Variants in CACNB1 observed in about 807,000 individuals in gnomAD.
CACNB1 encodes calcium voltage-gated channel auxiliary subunit beta 1, also known as voltage-dependent L-type calcium channel subunit beta-1.
A neutral mutation model predicts 71.6 loss-of-function variants in CACNB1; 29 were observed. That is an observed-to-expected ratio of 0.40 (90% CI 0.30 to 0.55). CACNB1 has a LOEUF of 0.55. Ranked by LOEUF, CACNB1 falls within the 20% of genes least tolerant of loss-of-function variation. The pLI is 0.38. For synonymous variants in CACNB1, 300 were observed against 319.6 expected, an observed-to-expected ratio of 0.94 and a Z score of 0.65; for missense variants, 623 against 801.8, an observed-to-expected ratio of 0.78 and a Z score of 2.69.
intron 11 of CACNB1, among the ~76,000 whole-genome samples, chr17:39,180,770 G>T (rs1226180406): frequency 1.1e-4 from 16 of 152,030 alleles, no homozygotes; most frequent in Admixed American, 1.1e-3. Flanking sequence ...TAGAGACAGG[G>T]TCTTGCCATG....
intron 1 of CACNB1, among the ~76,000 whole-genome samples, chr17:39,196,580 C>G (rs2046204195): frequency 6.6e-6 from 1 of 152,134 alleles, no homozygotes; most frequent in African/African-American, 2.4e-5. Flanking sequence ...AAAGAAATCC[C>G]CTGGCGCGAC....
chr17:39,197,231 G>A (rs553150332), intron 1 of CACNB1, among the ~76,000 whole-genome samples, 181 bp downstream of exon 1: 1 of 142,218 alleles, frequency 7.0e-6, no homozygotes, highest in Non-Finnish European at 1.5e-5. Flanking sequence ...CCGCAGCATC[G>A]CCACCCAGCC....
In CACNB1 at chr17:39,191,552, A is replaced by G. The variant is rs2046081168; in HGVS notation, c.213T>C (p.Asp71=). 3 of 1,611,570 alleles carry G rather than the reference A, an allele frequency of 1.9e-6. No individual in the cohort carries two copies. The highest frequency in any genetic ancestry group is 2.5e-6 in the Non-Finnish European group (3 of 1,179,204). ...ESYTSRPSDS[D]VSLEEDREAL... Reference sequence around the variant, plus strand: ...CTTCCCGGTCCTCCTCCAGAGATACATCAGAGTCTGATGGACGGCTGGTGT... The same window carrying G: ...CTTCCCGGTCCTCCTCCAGAGATACGTCAGAGTCTGATGGACGGCTGGTGT... The change falls in exon 3 of 14, where the codon GAT becomes GAC. Residue 71 remains aspartate (D), a synonymous_variant. Coordinates refer to ENST00000394303, the MANE Select transcript of CACNB1 (RefSeq NM_000723.5).
chr17:39,185,868 T>G, intron 6 of CACNB1: 1 of 1,469,496 alleles, frequency 6.8e-7, no homozygotes. Flanking sequence ...GTACCACATC[T>G]GAATCCATTA....
chr17:39,177,060 G>T, intron 13 of CACNB1: 1 of 1,338,152 alleles, frequency 7.5e-7, no homozygotes, highest in Non-Finnish European at 9.7e-7. Flanking sequence ...GGCAGCAGAT[G>T]CGCTCCTATG....
intron 6 of CACNB1, among the ~76,000 whole-genome samples, chr17:39,185,786 T>C (rs928654358): frequency 2.0e-5 from 3 of 151,998 alleles, no homozygotes; most frequent in Admixed American, 6.6e-5. Context: ...GAGTTGTGTG[T>C]GGAGGGGGAT....
intron 11 of CACNB1, among the ~76,000 whole-genome samples, chr17:39,183,233 G>A (rs377542687): frequency 8.5e-5 from 13 of 152,248 alleles, no homozygotes; most frequent in East Asian, 1.9e-4. Context: ...GTGGGAGGCC[G>A]AGGTGGGTGG....
At chr17:39,178,390 T>C (rs534438297) in intron 11 of CACNB1, 6 of 216,234 alleles carry the variant, frequency 2.8e-5, no homozygotes, top group Non-Finnish European at 5.6e-5. Flanking sequence ...TTTTTGTTTT[T>C]TTTTTTTTAA....
chr17:39,187,320 C>T (rs768175981), intron 4 of CACNB1, 159 bp downstream of exon 4: 137 of 822,456 alleles, frequency 1.7e-4, no homozygotes, highest in Non-Finnish European at 2.3e-4. Flanking sequence ...CTCATTTTTC[C>T]AGTAGAAAAT....
At chr17:39,178,446 T>C (rs1009123935) in intron 11 of CACNB1, among the ~76,000 whole-genome samples, 14 of 151,400 alleles carry the variant, frequency 9.2e-5, no homozygotes, top group African/African-American at 2.9e-4. Context: ...TGAAGTGCAG[T>C]GGTGTGAACA....
At chr17:39,187,001 T>C (rs961562678) in intron 4 of CACNB1, 72 bp from the exon 5 acceptor site, 25 of 1,540,860 alleles carry the variant, frequency 1.6e-5, no homozygotes, top group African/African-American at 2.7e-5. Flanking sequence ...AGTCACTCTC[T>C]AGGGGAAACG....
At chr17:39,193,693 G>T (rs1187973395) in intron 2 of CACNB1, 1 of 225,692 alleles carries the variant, frequency 4.4e-6, no homozygotes, top group African/African-American at 2.4e-5. Context: ...ATTGGAGGCT[G>T]GGGTCTGACT....
chr17:39,178,391 T>G lies in CACNB1; in HGVS notation c.1051-312A>C, dbSNP rs111927341. 8.7e-3 allele frequency: 1,872 copies of G among 215,732 alleles called. 41 individuals carry two copies. Among genetic ancestry groups the G allele is most frequent in the African/African-American group, 0.041 (1,747 of 42,530 alleles). The allele number at this position is 215,732 out of a possible 1,614,324, so 13.4% of individuals were successfully genotyped here. On this transcript the variant is annotated intron_variant, in intron 11 of 13. Transcript: ENST00000394303. The stretch of plus-strand genomic sequence containing the variant: ...CCCACTCTCCTTTTTTTTTGTTTTT[T>G]TTTTTTTAAATTTTAGAGACTGGTT...
intron 2 of CACNB1, 186 bp from the exon 3 acceptor site, chr17:39,191,779 G>A: frequency 1.7e-6 from 1 of 580,468 alleles, no homozygotes; most frequent in Non-Finnish European, 2.9e-6. Context: ...TCAGGCCCCT[G>A]GGGAAAGTGT....
chr17:39,186,095 A>G lies in CACNB1; in HGVS notation c.628+401T>C, dbSNP rs1240596832. The G allele has an allele frequency of 1.9e-6, 3 of 1,613,702 alleles. No homozygotes were observed. The African/African-American group carries it at 4.0e-5, about 22-fold the overall frequency. On this transcript the variant is annotated intron_variant, in intron 6 of 13. Coordinates refer to ENST00000394303, the MANE Select transcript of CACNB1 (RefSeq NM_000723.5). The surrounding 1 kb of genome is among the most constrained non-coding windows in gnomAD (Gnocchi z 4.1). ...GTCTAGTTCAAAGGCTAAGTTAGTCATTTCATTACCTGGACCGGAGAGTCA... is the reference window on the plus strand; with the variant it reads ...GTCTAGTTCAAAGGCTAAGTTAGTCGTTTCATTACCTGGACCGGAGAGTCA...
intron 11 of CACNB1, among the ~76,000 whole-genome samples, chr17:39,182,594 C>G (rs1443373107): frequency 6.6e-6 from 1 of 151,026 alleles, no homozygotes; most frequent in Admixed American, 6.6e-5. Context: ...CCCAGCCACT[C>G]AGGAGGCTGA....
intron 3 of CACNB1, among the ~76,000 whole-genome samples, chr17:39,188,546 C>A (rs2045997386): frequency 6.6e-6 from 1 of 151,672 alleles, no homozygotes; most frequent in South Asian, 2.1e-4. Flanking sequence ...TATACTCCAG[C>A]ATGGATGACA....
chr17:39,180,156 T>A (rs1005984315), intron 11 of CACNB1, among the ~76,000 whole-genome samples: 4 of 149,884 alleles, frequency 2.7e-5, no homozygotes, highest in African/African-American at 9.9e-5. Context: ...TCCCAGATAC[T>A]CAGGAGGCTG....
chr17:39,189,854 GT>G (rs1315701137), intron 3 of CACNB1, among the ~76,000 whole-genome samples: 1 of 150,384 alleles, frequency 6.6e-6, no homozygotes, highest in African/African-American at 2.4e-5. Context: ...GCTTACGCCT[GT>G]AATCCTAGCA....
Sources: gnomAD v4.1 joint callset for allele counts (sites outside exome capture counted in the v4.1 genomes callset) on GRCh38, gnomAD v4.1.1 for gene constraint, Gnocchi (gnomAD v3.1) non-coding constraint, MANE v1.5 for transcripts, NCBI Gene and HGNC (gene_info 2026-07-23, HGNC 2026-07-21) for gene names.